The following PDCD10 variants were observed in gnomAD, a reference collection of about 807,000 sequenced individuals.
PDCD10 encodes programmed cell death 10.
PDCD10 carries 4 observed loss-of-function variants against 29.2 expected under a neutral mutation model. The observed-to-expected ratio is 0.14, with a 90% CI of 0.07 to 0.31. The LOEUF is 0.31. Among genes scored for constraint, PDCD10 ranks in the 10% least tolerant of loss-of-function variants. PDCD10 has a pLI of 1.00. For missense variants in PDCD10, 183 were observed against 257.9 expected, an observed-to-expected ratio of 0.71 and a Z score of 1.99; for synonymous variants, 70 against 82.2, an observed-to-expected ratio of 0.85 and a Z score of 0.80.
chr3:167,709,444 A>G (rs1722308569), intron 3 of PDCD10, among the ~76,000 whole-genome samples: 1 of 152,174 alleles, frequency 6.6e-6, no homozygotes, highest in Admixed American at 6.5e-5. Context: ...AGAGCACAGC[A>G]ACTGGGAGAC....
At chr3:167,694,315 G>A in intron 6 of PDCD10, 1 of 198,734 alleles carries the variant, frequency 5.0e-6, no homozygotes, top group Non-Finnish European at 1.1e-5. Context: ...AAGAGAGACG[G>A]GGAACCACTG....
chr3:167,690,239 C>T (rs1354816952), intron 6 of PDCD10, among the ~76,000 whole-genome samples: 1 of 152,210 alleles, frequency 6.6e-6, no homozygotes, highest in Non-Finnish European at 1.5e-5. Flanking sequence ...GAAACGTAAA[C>T]ATACATCTTA....
intron 6 of PDCD10, among the ~76,000 whole-genome samples, chr3:167,688,971 A>T (rs186912447): frequency 1.3e-4 from 20 of 152,322 alleles, no homozygotes; most frequent in Admixed American, 4.6e-4. Flanking sequence ...GATATTTTTT[A>T]AAAAAGTATT....
chr3:167,699,076 T>G (rs1213798179), intron 4 of PDCD10, among the ~76,000 whole-genome samples: 1 of 152,262 alleles, frequency 6.6e-6, no homozygotes, highest in African/African-American at 2.4e-5. Context: ...CAATTTTTAC[T>G]CTGTTCTTAA....
At chr3:167,685,708 ATT>A (rs1719548752) in intron 8 of PDCD10, among the ~76,000 whole-genome samples, 1 of 152,212 alleles carries the variant, frequency 6.6e-6, no homozygotes, top group African/African-American at 2.4e-5. Context: ...CATAATAGTA[ATT>A]TAAAATCAGA....
intron 3 of PDCD10, among the ~76,000 whole-genome samples, chr3:167,713,745 A>C (rs771918966): frequency 1.3e-5 from 2 of 152,070 alleles, no homozygotes; most frequent in Admixed American, 6.6e-5. Flanking sequence ...ATAGAAACTC[A>C]AAGGATCATT....
At chr3:167,696,901 G>A (rs945897082) in intron 5 of PDCD10, 108 bp downstream of exon 5, 13 of 757,244 alleles carry the variant, frequency 1.7e-5, no homozygotes, top group Admixed American at 1.2e-4. Context: ...GTGAAAGGGA[G>A]GGAGGGAAAA....
At chr3:167,694,651 G>C (rs1393972990) in intron 6 of PDCD10, 1 of 152,718 alleles carries the variant, frequency 6.5e-6, no homozygotes, top group East Asian at 1.9e-4. Flanking sequence ...CCTGGAAGTG[G>C]GGAAGGCGCA....
chr3:167,724,940 C>A (rs558815339), intron 2 of PDCD10, among the ~76,000 whole-genome samples: 34 of 152,070 alleles, frequency 2.2e-4, no homozygotes, highest in Non-Finnish European at 4.4e-4. Context: ...TCCTTGCTTT[C>A]TCTCAATAAT....
At chr3:167,689,512 A>G (rs768416686) in intron 6 of PDCD10, among the ~76,000 whole-genome samples, 9 of 152,192 alleles carry the variant, frequency 5.9e-5, no homozygotes, top group African/African-American at 1.7e-4. Flanking sequence ...TTCATATACA[A>G]TAACAGTGGC....
At chr3:167,689,513 T>C (rs1279786334) in intron 6 of PDCD10, among the ~76,000 whole-genome samples, 2 of 152,092 alleles carry the variant, frequency 1.3e-5, no homozygotes, top group African/African-American at 2.4e-5. Context: ...TCATATACAA[T>C]AACAGTGGCT....
chr3:167,691,199 C>T (rs1720193834), intron 6 of PDCD10, among the ~76,000 whole-genome samples: 1 of 151,996 alleles, frequency 6.6e-6, no homozygotes, highest in Non-Finnish European at 1.5e-5. Context: ...GAAAATGTAC[C>T]AATATATGAC....
chr3:167,686,836 T>G (rs1365836401), intron 8 of PDCD10, among the ~76,000 whole-genome samples: 3 of 152,220 alleles, frequency 2.0e-5, no homozygotes, highest in Non-Finnish European at 4.4e-5. Flanking sequence ...AAAAGAAGAA[T>G]ATTATATGAC....
intron 6 of PDCD10, among the ~76,000 whole-genome samples, chr3:167,689,982 A>C (rs982291010): frequency 1.3e-5 from 2 of 151,638 alleles, no homozygotes; most frequent in African/African-American, 4.9e-5. Context: ...ACTACCAGAG[A>C]GTTTGTTTCC....
chr3:167,716,822 C>T (rs1723075451), intron 3 of PDCD10, among the ~76,000 whole-genome samples: 1 of 151,774 alleles, frequency 6.6e-6, no homozygotes, highest in Non-Finnish European at 1.5e-5. Flanking sequence ...CATTTAGTTG[C>T]AAAATTGTTT....
At chr3:167,702,603 T>C (rs1209599879) in intron 4 of PDCD10, among the ~76,000 whole-genome samples, 2 of 152,204 alleles carry the variant, frequency 1.3e-5, no homozygotes, top group African/African-American at 4.8e-5. Flanking sequence ...TGTATATACA[T>C]TAAAATATTC....
At chr3:167,701,319 ATAGAT>A (rs1286722505) in intron 4 of PDCD10, among the ~76,000 whole-genome samples, 1 of 152,216 alleles carries the variant, frequency 6.6e-6, no homozygotes, top group Non-Finnish European at 1.5e-5. Context: ...AGATATATAT[ATAGAT>A]ATCAGAGATA....
chr3:167,687,856 G>A (rs940513596), intron 6 of PDCD10, among the ~76,000 whole-genome samples, 163 bp from the exon 7 acceptor site: 8 of 152,040 alleles, frequency 5.3e-5, no homozygotes, highest in African/African-American at 1.2e-4. Flanking sequence ...CAGCCTTTTC[G>A]GCTAGCTGGT....
intron 6 of PDCD10, among the ~76,000 whole-genome samples, chr3:167,690,140 T>G (rs1720067046): frequency 6.6e-6 from 1 of 152,176 alleles, no homozygotes. Flanking sequence ...GCAGATAGTA[T>G]GAGTAGAAGG....
Sources: allele counts gnomAD v4.1 joint callset (sites outside exome capture counted in the v4.1 genomes callset), GRCh38; gene constraint gnomAD v4.1.1; transcripts MANE v1.5; gene names NCBI Gene and HGNC (gene_info 2026-07-23, HGNC 2026-07-21).